Variants in XKR4 observed in about 807,000 individuals in gnomAD.
The protein encoded by XKR4 is XK related 4.
XKR4 carries 12 observed loss-of-function variants against 53.9 expected under a neutral mutation model. The ratio of observed to expected loss-of-function variants is 0.22; its 90% CI spans 0.14 to 0.36. The LOEUF is 0.36. Among genes scored for constraint, XKR4 ranks in the 10% least tolerant of loss-of-function variants. The pLI is 1.00. For synonymous variants in XKR4, 354 were observed against 362.4 expected (o/e 0.98, Z 0.26); for missense variants, 799 against 859.5 (o/e 0.93, Z 0.88).
chr8:55,351,621 A>AT (rs1473500859), intron 1 of XKR4, among the ~76,000 whole-genome samples: 1 of 152,198 alleles, frequency 6.6e-6, no homozygotes, highest in African/African-American at 2.4e-5. Context: ...GAAGTGGAGC[A>AT]TTTATTCATT....
At chr8:55,308,515 C>T (rs896426784) in intron 1 of XKR4, among the ~76,000 whole-genome samples, 3 of 152,102 alleles carry the variant, frequency 2.0e-5, no homozygotes, top group Non-Finnish European at 4.4e-5. Context: ...GGGGAAACTG[C>T]CCCCAGGATC....
intron 1 of XKR4, among the ~76,000 whole-genome samples, chr8:55,327,390 T>C (rs1421959863): frequency 1.3e-5 from 2 of 152,180 alleles, no homozygotes; most frequent in Non-Finnish European, 2.9e-5. Context: ...TGGCATCTTT[T>C]ATGCTATCCC....
intron 2 of XKR4, among the ~76,000 whole-genome samples, chr8:55,479,505 C>T (rs1336645890): frequency 6.6e-6 from 1 of 151,938 alleles, no homozygotes; most frequent in Non-Finnish European, 1.5e-5. Flanking sequence ...AAAGCAAGAG[C>T]AAACACATTC....
chr8:55,411,181 C>A (rs1804772792), intron 2 of XKR4, among the ~76,000 whole-genome samples: 1 of 152,188 alleles, frequency 6.6e-6, no homozygotes, highest in Non-Finnish European at 1.5e-5. Flanking sequence ...TGCAGAAGAA[C>A]CCTGGGAACA....
At chr8:55,356,163 G>T (rs746843461) in intron 1 of XKR4, among the ~76,000 whole-genome samples, 1 of 152,154 alleles carries the variant, frequency 6.6e-6, no homozygotes, top group Non-Finnish European at 1.5e-5. Context: ...AAGTAAAGAA[G>T]GATGATGGAC....
At chr8:55,360,770 A>AT (rs1434360175) in intron 2 of XKR4, among the ~76,000 whole-genome samples, 1 of 152,236 alleles carries the variant, frequency 6.6e-6, no homozygotes, top group Non-Finnish European at 1.5e-5. Context: ...GACAAGAAAT[A>AT]TGACATTTTA....
chr8:55,280,541 A>G (rs1818830860), intron 1 of XKR4, among the ~76,000 whole-genome samples: 1 of 152,200 alleles, frequency 6.6e-6, no homozygotes, highest in Non-Finnish European at 1.5e-5. Context: ...ATGAGACCAT[A>G]TAAATAAGAA....
At chr8:55,154,712 C>G (rs1473607265) in intron 1 of XKR4, among the ~76,000 whole-genome samples, 1 of 152,152 alleles carries the variant, frequency 6.6e-6, no homozygotes, top group Non-Finnish European at 1.5e-5. Context: ...CAACCCTGCA[C>G]TTTAATAGAG....
intron 1 of XKR4, among the ~76,000 whole-genome samples, chr8:55,262,444 G>C (rs1218174032): frequency 6.6e-6 from 1 of 152,222 alleles, no homozygotes; most frequent in Non-Finnish European, 1.5e-5. Flanking sequence ...ATGGAATTAG[G>C]AGGTGGGAGA....
chr8:55,277,897 TA>T (rs999996378), intron 1 of XKR4, among the ~76,000 whole-genome samples: 2 of 152,244 alleles, frequency 1.3e-5, no homozygotes, highest in South Asian at 2.1e-4. Context: ...AATGTCAAAA[TA>T]AAAAAATATG....
intron 1 of XKR4, among the ~76,000 whole-genome samples, chr8:55,317,357 GGTT>G (rs1405638811): frequency 6.6e-6 from 1 of 152,020 alleles, no homozygotes; most frequent in Non-Finnish European, 1.5e-5. Context: ...TCCCCCCATT[GGTT>G]GTTATTTTTC....
chr8:55,185,418 A>G (rs11998225), intron 1 of XKR4, among the ~76,000 whole-genome samples: 14,371 of 152,144 alleles, frequency 0.094, 1,878 homozygotes, highest in African/African-American at 0.29. Context: ...TCAATAAACT[A>G]TTTTTCTTAT....
intron 2 of XKR4, among the ~76,000 whole-genome samples, chr8:55,437,009 C>A (rs1265865576): frequency 3.9e-5 from 6 of 152,084 alleles, no homozygotes; most frequent in Admixed American, 2.6e-4. Flanking sequence ...ATGAAAGGTA[C>A]GGGATTTGCC....
At chr8:55,170,830 C>T (rs1817147220) in intron 1 of XKR4, among the ~76,000 whole-genome samples, 1 of 152,162 alleles carries the variant, frequency 6.6e-6, no homozygotes, top group South Asian at 2.1e-4. Context: ...ACTTTCCGGA[C>T]ACGGGCGGGA....
At chr8:55,229,029 C>A (rs935205911) in intron 1 of XKR4, among the ~76,000 whole-genome samples, 14 of 152,142 alleles carry the variant, frequency 9.2e-5, no homozygotes, top group African/African-American at 3.1e-4. Context: ...AACAAAACAA[C>A]AACAACAAAA....
intron 1 of XKR4, among the ~76,000 whole-genome samples, chr8:55,343,529 C>CAGTGAT: frequency 6.6e-6 from 1 of 152,304 alleles, no homozygotes; most frequent in Admixed American, 6.5e-5. Context: ...CCACATGAAA[C>CAGTGAT]AGTGATAAAC....
At chr8:55,247,033 G>A (rs1449466941) in intron 1 of XKR4, among the ~76,000 whole-genome samples, 2 of 152,208 alleles carry the variant, frequency 1.3e-5, no homozygotes, top group African/African-American at 4.8e-5. Flanking sequence ...GGAAAGACAA[G>A]TGTACTCCCT....
At chr8:55,292,235 A>G (rs1199075213) in intron 1 of XKR4, among the ~76,000 whole-genome samples, 1 of 152,262 alleles carries the variant, frequency 6.6e-6, no homozygotes, top group Non-Finnish European at 1.5e-5. Context: ...GGAAGAGTGT[A>G]TAGAGTTTAT....
chr8:55,336,965 A>T (rs1240339684), intron 1 of XKR4, among the ~76,000 whole-genome samples: 1 of 152,208 alleles, frequency 6.6e-6, no homozygotes, highest in Non-Finnish European at 1.5e-5. Flanking sequence ...TAAAGCAAAT[A>T]ATCCTAAACT....
Sources: gnomAD v4.1 joint callset for allele counts (sites outside exome capture counted in the v4.1 genomes callset) on GRCh38, gnomAD v4.1.1 for gene constraint, MANE v1.5 for transcripts, NCBI Gene and HGNC (gene_info 2026-07-23, HGNC 2026-07-21) for gene names.